The following ZNF804A variants were observed in gnomAD, a reference collection of about 807,000 sequenced individuals.
The protein encoded by ZNF804A is zinc finger protein 804A.
A neutral mutation model predicts 16.5 loss-of-function variants in ZNF804A; 2 were observed. The ratio of observed to expected loss-of-function variants is 0.12; its 90% confidence interval spans 0.05 to 0.38. The LOEUF (loss-of-function observed/expected upper bound fraction) is 0.38. ZNF804A is among the 10% of genes least tolerant of loss of function. ZNF804A has a pLI of 0.99. For missense variants in ZNF804A, 1,473 were observed against 1,390.7 expected, an observed-to-expected ratio of 1.06 and a Z score of -0.94; for synonymous variants, 534 against 489.6, an observed-to-expected ratio of 1.09 and a Z score of -1.20.
At chr2:184,846,339 T>C (rs1338134718) in intron 1 of ZNF804A, among the ~76,000 whole-genome samples, 1 of 152,144 alleles carries the variant, frequency 6.6e-6, no homozygotes, top group East Asian at 1.9e-4. Context: ...ACGCAGCAGA[T>C]CATTATATGC....
At chr2:184,653,749 G>A (rs1323483264) in intron 1 of ZNF804A, among the ~76,000 whole-genome samples, 3 of 152,182 alleles carry the variant, frequency 2.0e-5, no homozygotes, top group East Asian at 1.9e-4. Context: ...TTCTCCTGAG[G>A]CATTCTTCCC....
Position 184,741,418 on chromosome 2 carries a change from T to C in ZNF804A, c.112-124951T>C, listed in dbSNP as rs148307421. ...TGAGGCTTGATATCCATCCTTTTTA[T>C]TGGGGATTCATCAACACATTTAATT... On this transcript the variant is annotated intron_variant, in intron 1 of 3. Transcript: ENST00000302277. Among the ~76,000 whole-genome samples the C allele has an allele frequency of 2.2e-3, 336 of 152,278 alleles. 1 individual carries two copies. Among genetic ancestry groups the C allele is most frequent in the Middle Eastern group, 6.8e-3 (2 of 294 alleles).
chr2:184,739,919 C>T (rs965284584), intron 1 of ZNF804A, among the ~76,000 whole-genome samples: 1 of 152,108 alleles, frequency 6.6e-6, no homozygotes, highest in Admixed American at 6.6e-5. Flanking sequence ...ACATTCATTT[C>T]TATATTTAAA....
chr2:184,761,035 A>T (rs1160034563), intron 1 of ZNF804A, among the ~76,000 whole-genome samples: 1 of 152,132 alleles, frequency 6.6e-6, no homozygotes, highest in Non-Finnish European at 1.5e-5. Context: ...TGTTGATATC[A>T]GATAAGCTGT....
intron 1 of ZNF804A, among the ~76,000 whole-genome samples, chr2:184,606,387 G>A (rs1365541776): frequency 6.6e-6 from 1 of 152,122 alleles, no homozygotes; most frequent in Non-Finnish European, 1.5e-5. Flanking sequence ...ATCAGATCTA[G>A]TGAGAGCTCA....
At chr2:184,637,107 C>T (rs1015679702) in intron 1 of ZNF804A, among the ~76,000 whole-genome samples, 1 of 152,190 alleles carries the variant, frequency 6.6e-6, no homozygotes, top group Admixed American at 6.5e-5. Context: ...TCAAATATGT[C>T]TTATTTTTAA....
chr2:184,938,881 C>G lies in ZNF804A; in HGVS notation c.3485C>G (p.Thr1162Ser). 6.2e-7 allele frequency: 1 copy of G among 1,614,040 alleles called. No individual in the cohort carries two copies. Among genetic ancestry groups the G allele is most frequent in the Admixed American group, 1.7e-5 (1 of 59,998 alleles). The change falls in exon 4 of 4, where the codon ACT becomes AGT. Residue 1162 changes from threonine to serine, a missense_variant. Thr to Ser is a moderately conservative substitution (Grantham distance 58, BLOSUM62 1). Transcript: ENST00000302277. The part of the protein sequence containing the change: ...GPRLCPGNQP[T>S]FVAPPQMPII... ...AGGCTTTGTCCTGGGAACCAGCCAA[C>G]TTTTGTTGCTCCTCCTCAGATGCCA...
At chr2:184,929,194 A>C (rs1274380441) in intron 2 of ZNF804A, among the ~76,000 whole-genome samples, 1 of 152,172 alleles carries the variant, frequency 6.6e-6, no homozygotes, top group Non-Finnish European at 1.5e-5. Context: ...CCTGTCAGTC[A>C]CTTATATTAC....
At chr2:184,683,117 A>G (rs1448895326) in intron 1 of ZNF804A, among the ~76,000 whole-genome samples, 1 of 152,142 alleles carries the variant, frequency 6.6e-6, no homozygotes, top group Non-Finnish European at 1.5e-5. Flanking sequence ...TTTGAATTGC[A>G]GTATCTATTT....
At chr2:184,811,676 G>T (rs895628991) in intron 1 of ZNF804A, among the ~76,000 whole-genome samples, 1 of 152,032 alleles carries the variant, frequency 6.6e-6, no homozygotes, top group African/African-American at 2.4e-5. Flanking sequence ...TGGCACCTGT[G>T]AATAGCAACT....
At chr2:184,711,978 T>G (rs1278133164) in intron 1 of ZNF804A, among the ~76,000 whole-genome samples, 3 of 151,764 alleles carry the variant, frequency 2.0e-5, no homozygotes, top group East Asian at 1.9e-4. Flanking sequence ...AATATTAGTA[T>G]AATTATAATC....
At chr2:184,838,751 G>A (rs1695392346) in intron 1 of ZNF804A, among the ~76,000 whole-genome samples, 1 of 151,590 alleles carries the variant, frequency 6.6e-6, no homozygotes, top group Admixed American at 6.6e-5. Flanking sequence ...AACAGAAAAG[G>A]GACAATTTTA....
At chr2:184,689,431 A>G (rs1177208287) in intron 1 of ZNF804A, among the ~76,000 whole-genome samples, 1 of 152,094 alleles carries the variant, frequency 6.6e-6, no homozygotes, top group Non-Finnish European at 1.5e-5. Context: ...ATCTCTCTGA[A>G]CTGTAGTTAT....
chr2:184,679,644 G>A (rs1206331029), intron 1 of ZNF804A, among the ~76,000 whole-genome samples: 1 of 152,174 alleles, frequency 6.6e-6, no homozygotes, highest in Non-Finnish European at 1.5e-5. Context: ...CCAAGCCTGG[G>A]CACTGTTGCA....
intron 2 of ZNF804A, among the ~76,000 whole-genome samples, chr2:184,924,718 A>G (rs1367750234): frequency 6.6e-6 from 1 of 151,748 alleles, no homozygotes; most frequent in African/African-American, 2.4e-5. Flanking sequence ...GTTGTATCCC[A>G]TAGATTTTTG....
chr2:184,731,564 C>CTTTTT (rs34877709), intron 1 of ZNF804A, among the ~76,000 whole-genome samples: 21 of 84,678 alleles, frequency 2.5e-4, no homozygotes, highest in African/African-American at 3.3e-4. Flanking sequence ...GTCTTTAACG[C>CTTTTT]TTTTTTTTTT....
intron 1 of ZNF804A, among the ~76,000 whole-genome samples, chr2:184,697,429 C>T (rs528490956): frequency 6.6e-6 from 1 of 152,112 alleles, no homozygotes; most frequent in African/African-American, 2.4e-5. Context: ...GATTAAGGAA[C>T]AACTACTACT....
intron 1 of ZNF804A, among the ~76,000 whole-genome samples, chr2:184,657,947 C>T (rs1200753222): frequency 6.6e-6 from 1 of 152,134 alleles, no homozygotes; most frequent in Non-Finnish European, 1.5e-5. Flanking sequence ...GGAGTAGTCA[C>T]TAGAAAAATT....
intron 1 of ZNF804A, among the ~76,000 whole-genome samples, chr2:184,667,414 T>C (rs1692270651): frequency 6.6e-6 from 1 of 151,890 alleles, no homozygotes; most frequent in Admixed American, 6.6e-5. Flanking sequence ...TTAGCCAGAA[T>C]GTTAGATTCT....
Sources: gnomAD v4.1 joint callset for allele counts (sites outside exome capture counted in the v4.1 genomes callset) on GRCh38, gnomAD v4.1.1 for gene constraint, MANE v1.5 for transcripts, NCBI Gene and HGNC (gene_info 2026-07-23, HGNC 2026-07-21) for gene names.